PCDH9: variants seen among roughly 807,000 people sequenced by gnomAD.
The protein encoded by PCDH9 is protocadherin 9, also known as protocadherin-9.
Under a neutral mutation model 70.6 loss-of-function variants are expected in PCDH9, and 24 were observed. The observed-to-expected ratio is 0.34, with a 90% CI of 0.25 to 0.48. The LOEUF (loss-of-function observed/expected upper bound fraction) is 0.48. PCDH9 is among the 20% of genes least tolerant of loss of function. PCDH9 has a pLI of 0.99. For synonymous variants in PCDH9, 562 were observed against 558.5 expected, an observed-to-expected ratio of 1.01 and a Z score of -0.09; for missense variants, 1,281 against 1,503.6, an observed-to-expected ratio of 0.85 and a Z score of 2.45.
intron 4 of PCDH9, among the ~76,000 whole-genome samples, chr13:66,377,152 G>T (rs1194816740): frequency 6.6e-6 from 1 of 152,132 alleles, no homozygotes; most frequent in Non-Finnish European, 1.5e-5. Context: ...TGTTAGTTTT[G>T]CATGCACATG....
intron 2 of PCDH9, among the ~76,000 whole-genome samples, chr13:67,001,615 G>C (rs573809123): frequency 6.6e-6 from 1 of 152,288 alleles, no homozygotes; most frequent in South Asian, 2.1e-4. Context: ...CTGAAAGAGA[G>C]AGAGAGGGCA....
intron 3 of PCDH9, among the ~76,000 whole-genome samples, chr13:66,660,443 C>T (rs1317734502): frequency 1.3e-5 from 2 of 152,160 alleles, no homozygotes; most frequent in Non-Finnish European, 2.9e-5. Flanking sequence ...TGATTACTGA[C>T]TTATCCACCT....
intron 3 of PCDH9, among the ~76,000 whole-genome samples, chr13:66,673,987 G>A (rs1472948033): frequency 3.3e-5 from 5 of 151,716 alleles, no homozygotes; most frequent in Non-Finnish European, 7.4e-5. Context: ...AACACATTTA[G>A]GAAATTATAA....
chr13:66,304,710 T>C lies in PCDH9; in HGVS notation c.3659A>G (p.Lys1220Arg). 1 of 1,613,428 alleles carries C rather than the reference T, an allele frequency of 6.2e-7. No homozygotes were observed. Among genetic ancestry groups the C allele is most frequent in the Non-Finnish European group, 8.5e-7 (1 of 1,179,624 alleles). ...AGCACCTCCTGCTTGCTTATAAGAC[T>C]TCAGATTTGCCAGAGGAATGTCTGT... The part of the protein sequence containing the change: ...HMTDIPLANL[K>R]SYKQAGGATE... Residue 1220 changes from lysine to arginine, a missense_variant, in exon 5 of 5, where the codon AAG (lysine) becomes AGG (arginine). This residue lies in a region of PCDH9 where 264 missense variants were observed against 278.8 expected (regional missense o/e 0.95). Coordinates refer to ENST00000377865, the MANE Select transcript of PCDH9 (RefSeq NM_203487.3).
chr13:67,203,843 A>G (rs999608287), intron 2 of PCDH9: 1 of 152,122 alleles, frequency 6.6e-6, no homozygotes, highest in African/African-American at 2.4e-5. Flanking sequence ...TGCAATAATG[A>G]CAGTCAAGTT....
intron 2 of PCDH9, among the ~76,000 whole-genome samples, chr13:66,945,671 G>T (rs1466540981): frequency 6.6e-6 from 1 of 151,976 alleles, no homozygotes; most frequent in East Asian, 1.9e-4. Context: ...GAGTATTGTT[G>T]TATTTGGACT....
At chr13:66,357,882 A>G (rs267314) in intron 4 of PCDH9, among the ~76,000 whole-genome samples, 3,213 of 152,124 alleles carry the variant, frequency 0.021, 114 homozygotes, top group African/African-American at 0.072. Context: ...AATATAATCT[A>G]TATAATATAC....
At chr13:66,536,513 G>A (rs2138645466) in intron 4 of PCDH9, among the ~76,000 whole-genome samples, 1 of 152,100 alleles carries the variant, frequency 6.6e-6, no homozygotes, top group East Asian at 1.9e-4. Flanking sequence ...ATATCTGTGA[G>A]GAAAACATGA....
chr13:66,977,140 T>C (rs2083635922), intron 2 of PCDH9, among the ~76,000 whole-genome samples: 1 of 152,178 alleles, frequency 6.6e-6, no homozygotes, highest in Admixed American at 6.6e-5. Flanking sequence ...CCCTCTGTGA[T>C]AATTAATAAA....
chr13:66,911,900 AAC>A (rs1204329280), intron 2 of PCDH9, among the ~76,000 whole-genome samples: 4 of 152,186 alleles, frequency 2.6e-5, no homozygotes, highest in Non-Finnish European at 5.9e-5. Flanking sequence ...GGAATACAAC[AAC>A]AGACATTTTT....
intron 2 of PCDH9, among the ~76,000 whole-genome samples, chr13:67,094,165 A>G (rs931227461): frequency 6.6e-6 from 1 of 152,196 alleles, no homozygotes; most frequent in African/African-American, 2.4e-5. Context: ...GCAAAATAGA[A>G]CATTCTTAAG....
chr13:66,945,453 C>T (rs987202358), intron 2 of PCDH9, among the ~76,000 whole-genome samples: 6 of 152,106 alleles, frequency 3.9e-5, no homozygotes, highest in African/African-American at 1.4e-4. Context: ...GCCAAAGAAC[C>T]TAGAAGGGTA....
At chr13:66,599,397 G>A (rs1752871548) in intron 4 of PCDH9, among the ~76,000 whole-genome samples, 1 of 151,658 alleles carries the variant, frequency 6.6e-6, no homozygotes, top group African/African-American at 2.4e-5. Flanking sequence ...TCACTTAATA[G>A]GTTACTTGTA....
At chr13:66,321,507 A>C (rs1331405518) in intron 4 of PCDH9, among the ~76,000 whole-genome samples, 2 of 151,828 alleles carry the variant, frequency 1.3e-5, no homozygotes, top group Non-Finnish European at 2.9e-5. Context: ...CCTCACTACT[A>C]CCTTAGGAGC....
intron 2 of PCDH9, among the ~76,000 whole-genome samples, chr13:67,160,739 C>G (rs2087935208): frequency 6.6e-6 from 1 of 152,124 alleles, no homozygotes; most frequent in Non-Finnish European, 1.5e-5. Flanking sequence ...ATTTCTCATC[C>G]CTCTTAAGAA....
At chr13:67,118,611 G>A (rs1265954957) in intron 2 of PCDH9, among the ~76,000 whole-genome samples, 3 of 152,054 alleles carry the variant, frequency 2.0e-5, no homozygotes, top group Non-Finnish European at 2.9e-5. Flanking sequence ...ATGACTTCTT[G>A]CAAGCCAAGC....
At chr13:67,145,346 T>G (rs534320773) in intron 2 of PCDH9, among the ~76,000 whole-genome samples, 1 of 152,050 alleles carries the variant, frequency 6.6e-6, no homozygotes, top group Admixed American at 6.6e-5. Context: ...TCAAGTGTTC[T>G]GAATTAATTA....
At chr13:66,496,339 T>C (rs549410840) in intron 4 of PCDH9, among the ~76,000 whole-genome samples, 17 of 152,326 alleles carry the variant, frequency 1.1e-4, no homozygotes, top group African/African-American at 4.1e-4. Flanking sequence ...GTTTTCATTT[T>C]TGATCCCCCC....
chr13:66,482,410 G>A (rs558423719), intron 4 of PCDH9, among the ~76,000 whole-genome samples: 4 of 152,268 alleles, frequency 2.6e-5, no homozygotes, highest in Admixed American at 2.0e-4. Flanking sequence ...TCCAGGACAC[G>A]CAGGCCCCTC....
Sources: allele counts gnomAD v4.1 joint callset (sites outside exome capture counted in the v4.1 genomes callset), GRCh38; gene constraint gnomAD v4.1.1; regional missense constraint gnomAD v4.1.1; transcripts MANE v1.5; gene names NCBI Gene and HGNC (gene_info 2026-07-23, HGNC 2026-07-21).